CTPS1: variants seen among roughly 807,000 people sequenced by gnomAD.
The protein encoded by CTPS1 is CTP synthetase 1.
CTPS1 carries 25 observed loss-of-function variants against 80.5 expected under a neutral mutation model. The ratio of observed to expected loss-of-function variants is 0.31; its 90% confidence interval spans 0.23 to 0.43. The LOEUF is 0.43. CTPS1 is among the 20% of genes least tolerant of loss of function. The pLI, the probability that CTPS1 is intolerant of heterozygous loss-of-function variation, is 1.00. For synonymous variants in CTPS1, 267 were observed against 252.5 expected, an observed-to-expected ratio of 1.06 and a Z score of -0.54; for missense variants, 442 against 725.7, an observed-to-expected ratio of 0.61 and a Z score of 4.49.
chr1:40,991,773 C>T lies in CTPS1; in HGVS notation c.648C>T (p.Cys216=). Residue 216 remains cysteine (C), a synonymous_variant, in exon 7 of 19, where the codon TGC becomes TGT. Transcript: ENST00000650070. The part of the protein sequence containing the change: ...GLGLSPDLVV[C]RCSNPLDTSV... The stretch of plus-strand genomic sequence containing the variant: ...TTGTTCTCTACTGCTAGGTTGTATG[C>T]AGGTGCTCAAATCCACTTGACACAT... The T allele has an allele frequency of 6.2e-7, 1 of 1,613,024 alleles. No homozygotes were observed.
chr1:40,988,335 C>G (rs973010123), intron 4 of CTPS1, among the ~76,000 whole-genome samples: 1 of 149,560 alleles, frequency 6.7e-6, no homozygotes, highest in African/African-American at 2.5e-5. Context: ...TGGCACCTCT[C>G]TCATCTGACC....
At chr1:41,009,925 G>C (rs1359858393) in intron 17 of CTPS1, among the ~76,000 whole-genome samples, 1 of 152,212 alleles carries the variant, frequency 6.6e-6, no homozygotes, top group Non-Finnish European at 1.5e-5. Context: ...TCCAGAACCA[G>C]TACTCAGAGT....
Position 40,995,931 on chromosome 1 carries a change from C to T in CTPS1, c.735C>T (p.His245=), listed in dbSNP as rs776310492. The T allele has an allele frequency of 1.4e-5, 22 of 1,613,932 alleles. 1 individual carries two copies. Among genetic ancestry groups the T allele is most frequent in the South Asian group, 3.3e-5 (3 of 91,068 alleles). Residue 245 remains histidine (H), a synonymous_variant, in exon 8 of 19, where the codon CAC becomes CAT. Transcript: ENST00000650070. The part of the protein sequence containing the change: ...HVEPEQVICV[H]DVSSIYRVPL... Reference sequence around the variant, plus strand: ...TTTCTAAACAGGTGATCTGTGTCCACGATGTCTCATCCATCTACCGAGTCC... The same window carrying T: ...TTTCTAAACAGGTGATCTGTGTCCATGATGTCTCATCCATCTACCGAGTCC...
intron 7 of CTPS1, 106 bp from the exon 8 acceptor site, chr1:40,995,811 T>A: frequency 8.5e-7 from 1 of 1,182,858 alleles, no homozygotes; most frequent in Non-Finnish European, 1.2e-6. Context: ...TGTCCTTTTT[T>A]CTGTTTTCAA....
At chr1:40,990,623 TA>T (rs757660759) in intron 5 of CTPS1, among the ~76,000 whole-genome samples, 6 of 150,618 alleles carry the variant, frequency 4.0e-5, no homozygotes, top group Non-Finnish European at 5.9e-5. Flanking sequence ...TGTCTCGATT[TA>T]AAAAAAAAGA....
intron 1 of CTPS1, 93 bp downstream of exon 1, chr1:40,979,922 C>T (rs1651777946): frequency 6.6e-6 from 1 of 152,244 alleles, no homozygotes; most frequent in African/African-American, 2.4e-5. Context: ...GCCCCGCCGC[C>T]GCGGTGACGG....
Position 41,006,124 on chromosome 1 carries a change from C to T in CTPS1, c.1296+30C>T, listed in dbSNP as rs1643027380. ...GTCAAGTGTTTGAACCTCCACAGGG[C>T]TTAGAAGGGTGTAGAAGGGGCATTT... On this transcript the variant is annotated intron_variant, in intron 13 of 18. Coordinates refer to ENST00000650070, the MANE Select transcript of CTPS1 (RefSeq NM_001905.4). The T allele has an allele frequency of 1.9e-6, 3 of 1,583,814 alleles. No homozygotes were observed. In the African/African-American group the frequency reaches 4.0e-5, roughly 21 times the overall value.
At chr1:40,988,517 A>G in intron 4 of CTPS1, 77 bp from the exon 5 acceptor site, 1 of 900,068 alleles carries the variant, frequency 1.1e-6, no homozygotes, top group Non-Finnish European at 1.9e-6. Context: ...AATCAGGAAG[A>G]CAGAACAGTT....
At chr1:41,005,338 G>A (rs550011938) in intron 12 of CTPS1, among the ~76,000 whole-genome samples, 3 of 152,188 alleles carry the variant, frequency 2.0e-5, no homozygotes, top group African/African-American at 7.2e-5. Context: ...CAGCTACTCG[G>A]GAGGCTGAGA....
Position 40,987,907 on chromosome 1 carries a change from GTTTATAACTAATACT to G in CTPS1, c.438+439_438+453del, listed in dbSNP as rs1390795652. 2.6e-5 allele frequency among the ~76,000 whole-genome samples: 4 copies of G among 152,102 alleles called. 1 individual carries two copies. Among genetic ancestry groups the G allele is most frequent in the African/African-American group, 9.7e-5 (4 of 41,418 alleles). On this transcript the variant is annotated intron_variant, in intron 4 of 18. Coordinates refer to ENST00000650070, the MANE Select transcript of CTPS1 (RefSeq NM_001905.4). ...GGAGACTCAAAAGTTCCAGCAGTTT[GTTTATAACTAATACT>G]TTTTTTTTGAGACAGGGTCTCACTC...
chr1:40,983,572 T>A, intron 2 of CTPS1, 116 bp downstream of exon 2: 2 of 763,004 alleles, frequency 2.6e-6, no homozygotes, highest in Non-Finnish European at 4.2e-6. Flanking sequence ...GGTCCCTTAA[T>A]ACAGCAGAAT....
At chr1:40,981,690 C>G (rs1381352733) in intron 1 of CTPS1, among the ~76,000 whole-genome samples, 2 of 152,164 alleles carry the variant, frequency 1.3e-5, no homozygotes, top group African/African-American at 4.8e-5. Context: ...TTGGTTTAAT[C>G]AGCGTTTCTC....
intron 2 of CTPS1, among the ~76,000 whole-genome samples, chr1:40,984,345 A>G (rs1301676892): frequency 1.3e-5 from 2 of 152,272 alleles, no homozygotes; most frequent in African/African-American, 2.4e-5. Context: ...GTGCAGTTTC[A>G]CAAAGTTGTT....
chr1:40,982,300 CCT>C (rs1373310340), intron 1 of CTPS1, among the ~76,000 whole-genome samples: 1 of 152,134 alleles, frequency 6.6e-6, no homozygotes, highest in Non-Finnish European at 1.5e-5. Flanking sequence ...ATCTGATGTC[CCT>C]CTCCCCCAGT....
chr1:41,002,374 A>C (rs1442898202), intron 11 of CTPS1, 120 bp downstream of exon 11: 1 of 778,854 alleles, frequency 1.3e-6, no homozygotes, highest in Non-Finnish European at 2.2e-6. Context: ...TGTGGATAGG[A>C]GCTCAAGTAG....
In CTPS1 at chr1:40,991,325, C is replaced by T. The variant is rs1642605958; in HGVS notation, c.639+77C>T. The T allele has an allele frequency of 7.9e-6, 9 of 1,135,042 alleles. No individual in the cohort carries two copies. The Admixed American group carries it at 1.0e-4, about 13-fold the overall frequency. 70.3% of individuals were successfully genotyped at this position (1,135,042 alleles called of 1,614,324 possible). ...ATCACTCTATCATGACAGACAAGAC[C>T]TTTGTCTTGTTGGGTTGCTTTTGAT... On this transcript the variant is annotated intron_variant, in intron 6 of 18. Coordinates refer to ENST00000650070, the MANE Select transcript of CTPS1 (RefSeq NM_001905.4).
chr1:40,991,641 G>C, intron 6 of CTPS1, 124 bp from the exon 7 acceptor site: 2 of 649,492 alleles, frequency 3.1e-6, no homozygotes, highest in East Asian at 2.8e-5. Context: ...TATGTGCCTG[G>C]TGCTGAGAGT....
At chr1:40,988,536 A>G in intron 4 of CTPS1, 58 bp from the exon 5 acceptor site, 2 of 1,152,706 alleles carry the variant, frequency 1.7e-6, no homozygotes, top group Middle Eastern at 2.0e-4. Flanking sequence ...TTGTTAGAAA[A>G]CTAAACTGCC....
At chr1:40,980,912 G>C (rs923933996) in intron 1 of CTPS1, 1 of 152,830 alleles carries the variant, frequency 6.5e-6, no homozygotes, top group South Asian at 2.1e-4. Context: ...TGTTCACCCT[G>C]TTCCCTTTCC....
Sources: gnomAD v4.1 joint callset for allele counts (sites outside exome capture counted in the v4.1 genomes callset) on GRCh38, gnomAD v4.1.1 for gene constraint, MANE v1.5 for transcripts, NCBI Gene and HGNC (gene_info 2026-07-23, HGNC 2026-07-21) for gene names.